PRH1: variants seen among roughly 807,000 people sequenced by gnomAD.
PRH1 encodes salivary acidic proline-rich phosphoprotein 1/2.
A neutral mutation model predicts 7.9 loss-of-function variants in PRH1; 7 were observed. The observed-to-expected ratio is 0.89, with a 90% CI of 0.50 to 1.67. PRH1 has a LOEUF of 1.67. Among genes scored for constraint, PRH1 ranks in the 40% most tolerant of loss-of-function variants. The pLI is 0.00. For synonymous variants in PRH1, 45 were observed against 80.8 expected (o/e 0.56, Z 2.38); for missense variants, 109 against 223.6 (o/e 0.49, Z 3.27).
intron 1 of PRH1, among the ~76,000 whole-genome samples, chr12:11,040,027 C>T (rs891350527): frequency 2.0e-5 from 3 of 152,102 alleles, no homozygotes; most frequent in African/African-American, 7.2e-5. Context: ...TTCTCTAGAG[C>T]CCAGTTAATA....
chr12:10,892,756 A>C (rs1949593073), intron 2 of PRH1, among the ~76,000 whole-genome samples: 1 of 152,220 alleles, frequency 6.6e-6, no homozygotes. Flanking sequence ...CACAGCTTTG[A>C]GAATTTCTAT....
chr12:11,065,625 G>A (rs1210458813), intron 1 of PRH1, among the ~76,000 whole-genome samples: 2 of 151,614 alleles, frequency 1.3e-5, no homozygotes, highest in Admixed American at 1.3e-4. Context: ...ATTGTTTTAG[G>A]GGTAGAAATG....
At chr12:10,999,410 T>C (rs1940469531) in intron 1 of PRH1, among the ~76,000 whole-genome samples, 1 of 152,194 alleles carries the variant, frequency 6.6e-6, no homozygotes, top group African/African-American at 2.4e-5. Flanking sequence ...TTTAGCTCTC[T>C]TGAGTTGTAT....
intron 1 of PRH1, among the ~76,000 whole-genome samples, chr12:10,995,247 C>A (rs578102577): frequency 6.6e-6 from 1 of 152,284 alleles, no homozygotes; most frequent in Admixed American, 6.5e-5. Context: ...TATGTGCTAT[C>A]TTTATGTCTT....
At chr12:10,931,045 G>A (rs200938454) in intron 2 of PRH1, 951 of 1,586,576 alleles carry the variant, frequency 6.0e-4, no homozygotes, top group Non-Finnish European at 7.5e-4. Flanking sequence ...ACCTCCACAG[G>A]GGCAGTCTCC....
intron 1 of PRH1, among the ~76,000 whole-genome samples, chr12:11,145,274 C>G (rs1592100854): frequency 6.6e-6 from 1 of 152,190 alleles, no homozygotes; most frequent in Admixed American, 6.5e-5. Flanking sequence ...TCACTGCAAC[C>G]TCTGCCTCTC....
intron 2 of PRH1, among the ~76,000 whole-genome samples, chr12:10,920,506 A>G (rs1950031159): frequency 1.3e-5 from 2 of 152,144 alleles, no homozygotes; most frequent in South Asian, 2.1e-4. Context: ...TAATCAAAAT[A>G]TAGTTCTTAT....
intron 1 of PRH1, among the ~76,000 whole-genome samples, chr12:11,068,772 A>T (rs1165001485): frequency 6.6e-6 from 1 of 152,226 alleles, no homozygotes; most frequent in Non-Finnish European, 1.5e-5. Flanking sequence ...CTGCATAGTA[A>T]TCTATCAATA....
intron 2 of PRH1, among the ~76,000 whole-genome samples, chr12:10,894,560 T>C (rs1949618181): frequency 6.6e-6 from 1 of 152,168 alleles, no homozygotes; most frequent in African/African-American, 2.4e-5. Flanking sequence ...TGTTTGTACA[T>C]ATAAATCTGA....
chr12:11,052,012 C>T (rs373568455), upstream of PRH1, among the ~76,000 whole-genome samples: 1 of 152,242 alleles, frequency 6.6e-6, no homozygotes, highest in Non-Finnish European at 1.5e-5. Flanking sequence ...TTACAGGGTC[C>T]TTGATTATGA....
At chr12:11,133,941 G>A in intron 1 of PRH1, 1 of 1,614,108 alleles carries the variant, frequency 6.2e-7, no homozygotes, top group Non-Finnish European at 8.5e-7. Context: ...AACATGCTGA[G>A]GCTAGTAGCA....
intron 1 of PRH1, among the ~76,000 whole-genome samples, chr12:11,004,282 G>T (rs1940723715): frequency 6.6e-6 from 1 of 152,022 alleles, no homozygotes; most frequent in African/African-American, 2.4e-5. Flanking sequence ...ATAACCTCAG[G>T]TATGGAGTTC....
chr12:10,955,673 C>A (rs568287456), intron 2 of PRH1, among the ~76,000 whole-genome samples: 4 of 151,446 alleles, frequency 2.6e-5, no homozygotes, highest in South Asian at 2.1e-4. Flanking sequence ...ATATGATAGA[C>A]CCCTAACCAG....
intron 2 of PRH1, among the ~76,000 whole-genome samples, chr12:10,972,934 C>CCA (rs1240020767): frequency 1.7e-5 from 2 of 120,734 alleles, no homozygotes; most frequent in Non-Finnish European, 3.6e-5. Context: ...CACAACCCAC[C>CCA]CCCCCCGCCC....
rs765395076 is a variant in PRH1 at position 11,091,382 on chromosome 12, T to C, written n.124-44194A>G. ...AAGAAAAGTCTGCTTTAGCTTCTTG[T>C]TTCCCCAAATCAGGATGAATGGGTG... On this transcript the variant is annotated intron_variant and non_coding_transcript_variant, in intron 1 of 4. Transcript: ENST00000541977. 19 of 1,344,726 alleles carry C rather than the reference T, an allele frequency of 1.4e-5. 2 individuals carry two copies. In the East Asian group the frequency reaches 4.2e-4, roughly 30 times the overall value. The allele number at this position is 1,344,726 out of a possible 1,614,324, so 83.3% of individuals were successfully genotyped here.
upstream of PRH1, among the ~76,000 whole-genome samples, chr12:10,885,608 C>T (rs1182152227): frequency 6.6e-6 from 1 of 152,198 alleles, no homozygotes; most frequent in Non-Finnish European, 1.5e-5. Context: ...CTGTCAGAGT[C>T]CTGGTTTTGT....
At chr12:10,899,259 T>C (rs1478921991) in intron 2 of PRH1, among the ~76,000 whole-genome samples, 1 of 146,084 alleles carries the variant, frequency 6.8e-6, no homozygotes, top group Admixed American at 7.1e-5. Context: ...TGGGGGACTA[T>C]TGTTGGGATG....
At chr12:10,927,972 A>T (rs969260749) in intron 2 of PRH1, among the ~76,000 whole-genome samples, 1 of 152,238 alleles carries the variant, frequency 6.6e-6, no homozygotes, top group Non-Finnish European at 1.5e-5. Context: ...TCAGAAACTT[A>T]ATAGTTTATT....
At chr12:10,908,837 G>A (rs1949848953) in intron 2 of PRH1, 3 of 1,613,596 alleles carry the variant, frequency 1.9e-6, no homozygotes, top group African/African-American at 2.7e-5. Context: ...GGTCCAGCCA[G>A]TCTTTTATAT....
Sources: gnomAD v4.1 joint callset for allele counts (sites outside exome capture counted in the v4.1 genomes callset) on GRCh38, gnomAD v4.1.1 for gene constraint, MANE v1.5 for transcripts, NCBI Gene and HGNC (gene_info 2026-07-23, HGNC 2026-07-21) for gene names.